RANBP2: variants seen among roughly 807,000 people sequenced by gnomAD.
RANBP2 encodes the protein E3 SUMO-protein ligase RanBP2.
RANBP2 carries 57 observed loss-of-function variants against 303.6 expected under a neutral mutation model. The ratio of observed to expected loss-of-function variants is 0.19; its 90% confidence interval spans 0.15 to 0.23. The LOEUF (loss-of-function observed/expected upper bound fraction) is 0.23. Ranked by LOEUF, RANBP2 falls within the 10% of genes least tolerant of loss-of-function variation. The pLI, the probability that RANBP2 is intolerant of heterozygous loss-of-function variation, is 1.00. For missense variants in RANBP2, 3,138 were observed against 3,780.8 expected, an observed-to-expected ratio of 0.83 and a Z score of 4.46; for synonymous variants, 1,167 against 1,301.5, an observed-to-expected ratio of 0.90 and a Z score of 2.23.
chr2:108,967,991 G>T, the RANBP2 span, among the ~76,000 whole-genome samples: 34 of 152,184 alleles, frequency 2.2e-4, 1 homozygote, highest in African/African-American at 7.7e-4. Context: ...CACAGAACAG[G>T]ACGCGTGGAG....
the RANBP2 span, among the ~76,000 whole-genome samples, chr2:108,851,720 T>C: frequency 4.2e-4 from 64 of 152,184 alleles, no homozygotes; most frequent in East Asian, 0.012. Flanking sequence ...CAGGAAAGAT[T>C]AGAGTCCTGG....
chr2:109,142,387 G>A, the RANBP2 span, among the ~76,000 whole-genome samples: 1 of 152,182 alleles, frequency 6.6e-6, no homozygotes, highest in Non-Finnish European at 1.5e-5. Flanking sequence ...GGACCCCAAA[G>A]CACCCTGTGG....
At chr2:108,845,107 A>G in the RANBP2 span, among the ~76,000 whole-genome samples, 1 of 152,074 alleles carries the variant, frequency 6.6e-6, no homozygotes, top group Non-Finnish European at 1.5e-5. Flanking sequence ...CATTAGAGAT[A>G]ATTTTAAAAA....
At chr2:109,516,984 A>G in the RANBP2 span, among the ~76,000 whole-genome samples, 1 of 152,124 alleles carries the variant, frequency 6.6e-6, no homozygotes, top group Non-Finnish European at 1.5e-5. Flanking sequence ...TCCAGTGTAC[A>G]GTTCGGGTAA....
At chr2:108,929,372 C>T in the RANBP2 span, 6 of 1,614,098 alleles carry the variant, frequency 3.7e-6, no homozygotes, top group Non-Finnish European at 5.1e-6. Flanking sequence ...GGTGCCGTAG[C>T]CACAGGACTG....
chr2:109,653,803 G>A, the RANBP2 span, among the ~76,000 whole-genome samples: 4 of 152,132 alleles, frequency 2.6e-5, no homozygotes, highest in African/African-American at 7.2e-5. Flanking sequence ...TTGGGCCTAG[G>A]TTTCAATCAA....
the RANBP2 span, among the ~76,000 whole-genome samples, chr2:109,640,108 T>C: frequency 6.6e-6 from 1 of 151,944 alleles, no homozygotes; most frequent in Non-Finnish European, 1.5e-5. Context: ...TTTTTTTTTT[T>C]CTGAAAGCAT....
the RANBP2 span, among the ~76,000 whole-genome samples, chr2:109,528,192 C>T: frequency 6.6e-6 from 1 of 152,194 alleles, no homozygotes. Context: ...TGCCCCACGT[C>T]ACCAGGTAAA....
chr2:109,044,323 G>A, the RANBP2 span, among the ~76,000 whole-genome samples: 199 of 151,926 alleles, frequency 1.3e-3, no homozygotes, highest in Non-Finnish European at 2.2e-3. Context: ...GATTGAGACC[G>A]TCCTGGCCAA....
the RANBP2 span, among the ~76,000 whole-genome samples, chr2:109,384,154 C>G: frequency 6.6e-6 from 1 of 152,218 alleles, no homozygotes; most frequent in African/African-American, 2.4e-5. Flanking sequence ...CCTTCCAGGC[C>G]GCCTGGGGTC....
chr2:109,419,775 T>C, the RANBP2 span: 6 of 763,114 alleles, frequency 7.9e-6, no homozygotes, highest in Non-Finnish European at 1.2e-5. Context: ...TATGTGCGTC[T>C]AATAACACCG....
chr2:109,517,299 C>A, the RANBP2 span, among the ~76,000 whole-genome samples: 174 of 152,306 alleles, frequency 1.1e-3, 1 homozygote, highest in African/African-American at 3.9e-3. Flanking sequence ...ACCAGCCCCC[C>A]TCTTTATCCC....
the RANBP2 span, among the ~76,000 whole-genome samples, chr2:109,076,872 T>C: frequency 2.7e-5 from 4 of 150,594 alleles, 1 homozygote; most frequent in Non-Finnish European, 5.9e-5. Flanking sequence ...AGGGCATTTT[T>C]CTCAGAAATA....
intron 5 of RANBP2, 94 bp from the exon 6 acceptor site, chr2:108,736,010 G>C: frequency 7.5e-6 from 12 of 1,609,556 alleles, no homozygotes; most frequent in Admixed American, 5.0e-5. Flanking sequence ...TCACAAATGT[G>C]GTTGGAGTGA....
At chr2:108,935,135 C>A in the RANBP2 span, among the ~76,000 whole-genome samples, 1 of 152,166 alleles carries the variant, frequency 6.6e-6, no homozygotes, top group African/African-American at 2.4e-5. Context: ...AAAAGGTCTG[C>A]CACTCCTGCC....
the RANBP2 span, among the ~76,000 whole-genome samples, chr2:109,387,125 G>A: frequency 6.6e-6 from 1 of 152,118 alleles, no homozygotes; most frequent in Admixed American, 6.5e-5. Context: ...ATATTGTTCT[G>A]TTTCTTTTAT....
the RANBP2 span, among the ~76,000 whole-genome samples, chr2:109,632,713 G>C: frequency 2.6e-5 from 4 of 152,084 alleles, no homozygotes; most frequent in Admixed American, 2.6e-4. Context: ...CGAGTACTCA[G>C]GAGGCTGAGG....
the RANBP2 span, among the ~76,000 whole-genome samples, chr2:109,296,261 C>T: frequency 6.6e-6 from 1 of 151,880 alleles, no homozygotes; most frequent in Non-Finnish European, 1.5e-5. Flanking sequence ...GAGTTTCACT[C>T]TTATTGCCCA....
the RANBP2 span, chr2:108,929,120 C>A: frequency 6.4e-7 from 1 of 1,553,342 alleles, no homozygotes; most frequent in Middle Eastern, 2.0e-4. Flanking sequence ...GACCCCTGTT[C>A]CCAAGGTCCT....
Sources: allele counts gnomAD v4.1 joint callset (sites outside exome capture counted in the v4.1 genomes callset), GRCh38; gene constraint gnomAD v4.1.1; transcripts MANE v1.5; gene names NCBI Gene and HGNC (gene_info 2026-07-23, HGNC 2026-07-21).